RANBP3L: variants seen among roughly 807,000 people sequenced by gnomAD.
RANBP3L encodes RAN binding protein 3 like.
RANBP3L carries 56 observed loss-of-function variants against 67.2 expected under a neutral mutation model. The ratio of observed to expected loss-of-function variants is 0.83; its 90% CI spans 0.67 to 1.04. The LOEUF is 1.04. Ranked by LOEUF, RANBP3L falls within the 50% of genes least tolerant of loss-of-function variation. RANBP3L has a pLI of 0.00. For synonymous variants in RANBP3L, 164 were observed against 181.4 expected, an observed-to-expected ratio of 0.90 and a Z score of 0.77; for missense variants, 496 against 535.5, an observed-to-expected ratio of 0.93 and a Z score of 0.73.
chr5:36,278,064 A>C (rs541882593), intron 1 of RANBP3L, among the ~76,000 whole-genome samples: 3 of 152,232 alleles, frequency 2.0e-5, no homozygotes, highest in African/African-American at 7.2e-5. Context: ...CCCACAACAC[A>C]TGGGATTTAT....
intron 8 of RANBP3L, among the ~76,000 whole-genome samples, chr5:36,260,343 A>G (rs1159045812): frequency 7.0e-6 from 1 of 143,220 alleles, no homozygotes; most frequent in East Asian, 2.3e-4. Context: ...CCTGGGTGAC[A>G]GAGCGAGACT....
chr5:36,255,753 T>C (rs1432333948), intron 10 of RANBP3L, among the ~76,000 whole-genome samples, 163 bp from the exon 11 acceptor site: 1 of 152,150 alleles, frequency 6.6e-6, no homozygotes, highest in Non-Finnish European at 1.5e-5. Context: ...TTTAGAAACA[T>C]ATAACTTTCG....
intron 11 of RANBP3L, among the ~76,000 whole-genome samples, chr5:36,254,770 A>G (rs1047306875): frequency 6.6e-6 from 1 of 152,086 alleles, no homozygotes; most frequent in Non-Finnish European, 1.5e-5. Context: ...AAATTGACCA[A>G]TAAATCCATT....
intron 3 of RANBP3L, 22 bp downstream of exon 3, chr5:36,269,929 A>G: frequency 6.3e-7 from 1 of 1,599,354 alleles, no homozygotes; most frequent in South Asian, 1.1e-5. Flanking sequence ...TTGATTTTGG[A>G]ATACAGGATG....
chr5:36,299,638 A>T (rs886381472), intron 1 of RANBP3L, among the ~76,000 whole-genome samples: 1 of 152,150 alleles, frequency 6.6e-6, no homozygotes, highest in African/African-American at 2.4e-5. Context: ...AAATAATCCC[A>T]TATCAGTGCA....
intron 1 of RANBP3L, among the ~76,000 whole-genome samples, chr5:36,296,427 AT>A (rs992435846): frequency 7.2e-5 from 11 of 152,298 alleles, no homozygotes; most frequent in African/African-American, 2.6e-4. Flanking sequence ...CAAAAAGAAA[AT>A]CATGAGGAAT....
chr5:36,256,897 A>G (rs1458369670), intron 10 of RANBP3L, 44 bp downstream of exon 10: 1 of 1,548,010 alleles, frequency 6.5e-7, no homozygotes, highest in East Asian at 2.3e-5. Context: ...CTTTATTCCA[A>G]GTATGTAAAT....
In RANBP3L at chr5:36,301,441, C is replaced by CA. The variant is rs1450328253; in HGVS notation, c.-26dup. 6.9e-6 allele frequency: 11 copies of CA among 1,585,392 alleles called. No homozygotes were observed. The highest frequency in any genetic ancestry group is 8.6e-6 in the Non-Finnish European group (10 of 1,156,238). On this transcript the variant is annotated 5_prime_UTR_variant, in exon 1 of 14. Coordinates refer to ENST00000296604, the MANE Select transcript of RANBP3L (RefSeq NM_145000.5). ...TGGTCCTAGCAGTATGGCTGTGACT[C>CA]AAGGATCACTAGGGCACCTCCTTCT...
intron 13 of RANBP3L, 36 bp from the exon 14 acceptor site, chr5:36,249,733 A>G (rs1748468279): frequency 8.3e-7 from 1 of 1,203,020 alleles, no homozygotes; most frequent in Non-Finnish European, 1.2e-6. Flanking sequence ...ATTATACAAT[A>G]TTATATTTAG....
In RANBP3L at chr5:36,289,379, G is replaced by A. The variant is rs527385761; in HGVS notation, c.91+11947C>T. Reference sequence around the variant, plus strand: ...TTTCAAGATTGATTTAGTTATTCTAGGTCCTTAATATTTCCTTATCCTTTT... The same window carrying A: ...TTTCAAGATTGATTTAGTTATTCTAAGTCCTTAATATTTCCTTATCCTTTT... On this transcript the variant is annotated intron_variant, in intron 1 of 13. Transcript: ENST00000296604. Among the ~76,000 whole-genome samples, 54 of 152,048 alleles carry A rather than the reference G, an allele frequency of 3.6e-4. No homozygotes were observed. The South Asian group carries it at 0.011, about 31-fold the overall frequency.
rs1200282143 is a variant in RANBP3L, at chr5:36,253,750, C to T, written c.1064G>A (p.Ser355Asn). 1 of 1,612,874 alleles carries T rather than the reference C, an allele frequency of 6.2e-7. No homozygotes were observed. The highest frequency in any genetic ancestry group is 1.3e-5 in the African/African-American group (1 of 74,816). The change falls in exon 12 of 14, where the codon AGC (serine) becomes AAC (asparagine). Residue 355 changes from serine to asparagine, a missense_variant. Ser to Asn is a conservative substitution (Grantham distance 46). Coordinates refer to ENST00000296604, the MANE Select transcript of RANBP3L (RefSeq NM_145000.5). Reference sequence around the variant, plus strand: ...AATCTTCATTTGGGCCCAGAGTTTGCTGTTGAGGATCAGCCTTAGACTGCC... The same window carrying T: ...AATCTTCATTTGGGCCCAGAGTTTGTTGTTGAGGATCAGCCTTAGACTGCC... ...NQGSLRLILN[S>N]KLWAQMKIQR... is the part of the protein sequence containing the mutation.
At chr5:36,269,618 T>C in intron 3 of RANBP3L, 151 bp from the exon 4 acceptor site, 1 of 642,588 alleles carries the variant, frequency 1.6e-6, no homozygotes, top group Non-Finnish European at 2.8e-6. Flanking sequence ...AGTTTGCTGA[T>C]TGATTATAAA....
rs529127819 is a variant in RANBP3L at position 36,280,183 on chromosome 5, C to A, written c.92-8872G>T. Reference sequence around the variant, plus strand: ...TAGACACTGAACAATTTTGAAAAACCAAGACATAGAGATAAGAAAATATCT... The same window carrying A: ...TAGACACTGAACAATTTTGAAAAACAAAGACATAGAGATAAGAAAATATCT... On this transcript the variant is annotated intron_variant, in intron 1 of 13. Coordinates refer to ENST00000296604, the MANE Select transcript of RANBP3L (RefSeq NM_145000.5). Among the ~76,000 whole-genome samples the A allele has an allele frequency of 8.5e-5, 13 of 152,158 alleles. No individual in the cohort carries two copies. In the South Asian group the frequency reaches 2.5e-3, roughly 29 times the overall value.
rs17281242 is a variant in RANBP3L at position 36,248,073 on chromosome 5, C to T, written c.*1581G>A. 0.024 allele frequency among the ~76,000 whole-genome samples: 3,668 copies of T among 152,266 alleles called. 67 individuals are homozygous for T. The highest frequency in any genetic ancestry group is 0.036 in the Non-Finnish European group (2,434 of 68,010). On this transcript the variant is annotated 3_prime_UTR_variant, in exon 14 of 14. Coordinates refer to ENST00000296604, the MANE Select transcript of RANBP3L (RefSeq NM_145000.5). The stretch of plus-strand genomic sequence containing the variant: ...ATGAAAATTTTCTGCTGAGTGTGTT[C>T]CGCATCAGAGTCACTCTTCTTGATT...
chr5:36,299,304 C>T (rs1000275344), intron 1 of RANBP3L, among the ~76,000 whole-genome samples: 7 of 149,662 alleles, frequency 4.7e-5, no homozygotes, highest in African/African-American at 1.0e-4. Context: ...TATACACATA[C>T]GTATATCTGT....
chr5:36,296,309 G>A (rs994297353), intron 1 of RANBP3L, among the ~76,000 whole-genome samples: 2 of 152,098 alleles, frequency 1.3e-5, no homozygotes, highest in South Asian at 2.1e-4. Context: ...AATCTGAAAC[G>A]GGGCAGTCTT....
chr5:36,271,718 G>T (rs6892199), intron 1 of RANBP3L, among the ~76,000 whole-genome samples: 133,403 of 152,146 alleles, frequency 0.88, 59,631 homozygotes, highest in Non-Finnish European at 0.97. Context: ...TGTGGAGGTA[G>T]AAATGATATG....
In RANBP3L at chr5:36,257,462, A is replaced by C. The variant is rs759509502; in HGVS notation, c.764T>G (p.Leu255Ter). Residue 255 changes from leucine (L) to a stop codon, truncating the protein, a stop_gained, in exon 9 of 14, where the codon TTA becomes TGA. Coordinates refer to ENST00000296604, the MANE Select transcript of RANBP3L (RefSeq NM_145000.5). LOFTEE classifies it high-confidence loss of function. ...AATGAAAGAATTCTTACTTGAACTT[A>C]AAAAGTTGACAGGAAATTTCGGAAT... ...KSIPKFPVNF[L>*]SSRTDSIKNT... The C allele has an allele frequency of 7.2e-6, 11 of 1,528,494 alleles. No individual in the cohort carries two copies. The South Asian group carries it at 1.3e-4, about 18-fold the overall frequency. 94.7% of individuals were successfully genotyped at this position (1,528,494 alleles called of 1,614,324 possible). A position where few individuals can be genotyped will look rare whatever the true frequency, so the allele number is the denominator to read the frequency against.
chr5:36,300,474 G>A (rs1278298516), intron 1 of RANBP3L, among the ~76,000 whole-genome samples: 1 of 152,124 alleles, frequency 6.6e-6, no homozygotes, highest in Non-Finnish European at 1.5e-5. Context: ...CCACACCACT[G>A]AAATCTAAAA....
Sources: gnomAD v4.1 joint callset for allele counts (sites outside exome capture counted in the v4.1 genomes callset) on GRCh38, gnomAD v4.1.1 for gene constraint, MANE v1.5 for transcripts, NCBI Gene and HGNC (gene_info 2026-07-23, HGNC 2026-07-21) for gene names.